The following TMEM51 variants were observed in gnomAD, a reference collection of about 807,000 sequenced individuals.
TMEM51 encodes the protein chromosome 1 open reading frame 72.
A neutral mutation model predicts 13.6 loss-of-function variants in TMEM51; 8 were observed. The observed-to-expected ratio is 0.59, with a 90% CI of 0.35 to 1.07. The LOEUF is 1.07. Among genes scored for constraint, TMEM51 ranks in the 50% least tolerant of loss-of-function variants. TMEM51 has a pLI of 0.02. For synonymous variants in TMEM51, 147 were observed against 144.4 expected, an observed-to-expected ratio of 1.02 and a Z score of -0.13; for missense variants, 279 against 330.7, an observed-to-expected ratio of 0.84 and a Z score of 1.21.
chr1:15,158,384 G>T (rs1642657367), intron 1 of TMEM51, among the ~76,000 whole-genome samples: 1 of 152,176 alleles, frequency 6.6e-6, no homozygotes, highest in Non-Finnish European at 1.5e-5. Flanking sequence ...TGTGATGCGT[G>T]TGACCCAAAT....
intron 1 of TMEM51, among the ~76,000 whole-genome samples, chr1:15,189,142 G>A (rs980120326): frequency 1.3e-5 from 2 of 151,432 alleles, no homozygotes; most frequent in Non-Finnish European, 2.9e-5. Flanking sequence ...CCAGGTTAAG[G>A]GATTCTCCCA....
chr1:15,212,785 G>T lies in TMEM51; in HGVS notation c.-193-2110G>T, dbSNP rs114281516. Reference sequence around the variant, plus strand: ...TCAGCGCCCTGCACGCCACACACATGCCCATCCTACCTGTTCATATTCCAT... The same window carrying T: ...TCAGCGCCCTGCACGCCACACACATTCCCATCCTACCTGTTCATATTCCAT... On this transcript the variant is annotated intron_variant, in intron 2 of 3. Transcript: ENST00000376008. Among the ~76,000 whole-genome samples the T allele has an allele frequency of 2.2e-3, 328 of 152,332 alleles. 2 individuals are homozygous for T. The highest frequency in any genetic ancestry group is 7.7e-3 in the African/African-American group (319 of 41,574).
At chr1:15,170,102 T>A (rs1178192674) in intron 1 of TMEM51, among the ~76,000 whole-genome samples, 1 of 151,366 alleles carries the variant, frequency 6.6e-6, no homozygotes. Context: ...CAACTATAAA[T>A]GTACTTAAAA....
intron 1 of TMEM51, among the ~76,000 whole-genome samples, chr1:15,168,285 T>C (rs1457460241): frequency 6.6e-6 from 1 of 152,228 alleles, no homozygotes. Flanking sequence ...GTATTCTATC[T>C]CTGCATTTTT....
At chr1:15,153,171 C>T (rs925224081), upstream of TMEM51, among the ~76,000 whole-genome samples, 1 of 152,204 alleles carries the variant, frequency 6.6e-6, no homozygotes, top group Non-Finnish European at 1.5e-5. Flanking sequence ...GGTCACTCAC[C>T]TCGCTGGGAA....
chr1:15,199,552 C>A (rs987045578), intron 1 of TMEM51, among the ~76,000 whole-genome samples: 9 of 152,158 alleles, frequency 5.9e-5, no homozygotes, highest in Admixed American at 4.6e-4. Context: ...CAGCACCAAA[C>A]ACAGAAGAGG....
chr1:15,181,992 C>A (rs550063659), intron 1 of TMEM51, among the ~76,000 whole-genome samples: 2 of 152,002 alleles, frequency 1.3e-5, no homozygotes, highest in Non-Finnish European at 1.5e-5. Context: ...AAAACCTTGT[C>A]TCTACTAAAA....
At chr1:15,166,175 C>T (rs1192976624) in intron 1 of TMEM51, among the ~76,000 whole-genome samples, 1 of 152,224 alleles carries the variant, frequency 6.6e-6, no homozygotes, top group East Asian at 1.9e-4. Context: ...ATTGATAACA[C>T]CTTCTCCTCC....
At chr1:15,166,541 G>A (rs909084176) in intron 1 of TMEM51, among the ~76,000 whole-genome samples, 3 of 152,112 alleles carry the variant, frequency 2.0e-5, no homozygotes, top group Admixed American at 6.6e-5. Context: ...CCAACGTGGT[G>A]AAACCCCGTC....
upstream of TMEM51, among the ~76,000 whole-genome samples, chr1:15,153,158 G>A (rs1426770406): frequency 6.6e-6 from 1 of 152,174 alleles, no homozygotes; most frequent in Non-Finnish European, 1.5e-5. Context: ...CCCTACTTGT[G>A]CCGGTCACTC....
chr1:15,204,836 C>T (rs148014482), intron 1 of TMEM51, among the ~76,000 whole-genome samples: 12 of 151,940 alleles, frequency 7.9e-5, no homozygotes, highest in African/African-American at 2.9e-4. Flanking sequence ...GGTTGGGGGA[C>T]TAGAGTACTG....
intron 1 of TMEM51, among the ~76,000 whole-genome samples, chr1:15,170,731 C>A (rs947405525): frequency 6.6e-6 from 1 of 151,998 alleles, no homozygotes; most frequent in African/African-American, 2.4e-5. Flanking sequence ...GAAATGGAGG[C>A]AGGTTTTCTT....
At chr1:15,202,924 T>G (rs1379210529) in intron 1 of TMEM51, among the ~76,000 whole-genome samples, 1 of 152,156 alleles carries the variant, frequency 6.6e-6, no homozygotes, top group Non-Finnish European at 1.5e-5. Flanking sequence ...TTGAATGGCC[T>G]TCAGTTAGTC....
At chr1:15,174,453 G>C (rs944964851) in intron 1 of TMEM51, among the ~76,000 whole-genome samples, 1 of 152,064 alleles carries the variant, frequency 6.6e-6, no homozygotes, top group Admixed American at 6.6e-5. Flanking sequence ...TGTTGCCCAG[G>C]CTGGTCTCAA....
intron 1 of TMEM51, among the ~76,000 whole-genome samples, chr1:15,195,087 G>A (rs950810049): frequency 1.1e-4 from 17 of 151,608 alleles, no homozygotes; most frequent in African/African-American, 2.7e-4. Flanking sequence ...ACCATGCCCC[G>A]TTAGTTTTTT....
chr1:15,185,569 T>C (rs1643748843), intron 1 of TMEM51, among the ~76,000 whole-genome samples: 2 of 152,252 alleles, frequency 1.3e-5, no homozygotes, highest in African/African-American at 4.8e-5. Context: ...TACACGGTTA[T>C]GGCTTATGTT....
At chr1:15,200,407 CA>C (rs55755539) in intron 1 of TMEM51, among the ~76,000 whole-genome samples, 1,328 of 67,874 alleles carry the variant, frequency 0.02, 1 homozygote, top group Middle Eastern at 0.025. Context: ...GACTCTGTCT[CA>C]AAAAAAAAAA....
chr1:15,185,042 C>G (rs561675997), intron 1 of TMEM51, among the ~76,000 whole-genome samples: 4 of 152,172 alleles, frequency 2.6e-5, no homozygotes, highest in African/African-American at 4.8e-5. Flanking sequence ...TGCCCCACCC[C>G]CATCTGACCC....
intron 1 of TMEM51, chr1:15,191,919 C>T: frequency 1.9e-6 from 1 of 529,636 alleles, no homozygotes; most frequent in South Asian, 1.4e-5. Context: ...TCTCCTTTTC[C>T]AGAAGTTGTA....
Sources: allele counts gnomAD v4.1 joint callset (sites outside exome capture counted in the v4.1 genomes callset), GRCh38; gene constraint gnomAD v4.1.1; transcripts MANE v1.5; gene names NCBI Gene and HGNC (gene_info 2026-07-23, HGNC 2026-07-21).